Variants in PPP3CC observed in about 807,000 individuals in gnomAD.
PPP3CC encodes the protein protein phosphatase 3 catalytic subunit gamma.
PPP3CC carries 35 observed loss-of-function variants against 60.3 expected under a neutral mutation model. The ratio of observed to expected loss-of-function variants is 0.58; its 90% CI spans 0.44 to 0.77. The LOEUF (loss-of-function observed/expected upper bound fraction) is 0.77, where lower values mean the gene tolerates loss of function less well. Ranked by LOEUF, PPP3CC falls within the 30% of genes least tolerant of loss-of-function variation. PPP3CC has a pLI of 0.00. For missense variants in PPP3CC, 570 were observed against 628.9 expected (o/e 0.91, Z 1.00); for synonymous variants, 206 against 224.3 (o/e 0.92, Z 0.73).
At chr8:22,520,772 A>C (rs970653959) in intron 6 of PPP3CC, among the ~76,000 whole-genome samples, 3 of 151,698 alleles carry the variant, frequency 2.0e-5, no homozygotes, top group Non-Finnish European at 4.4e-5. Flanking sequence ...ATTATTTTGG[A>C]TTCTTTGTCA....
chr8:22,532,224 G>A lies in PPP3CC; in HGVS notation c.1142-1G>A. 6.2e-7 allele frequency: 1 copy of A among 1,606,996 alleles called. No individual in the cohort carries two copies. The highest frequency in any genetic ancestry group is 8.5e-7 in the Non-Finnish European group (1 of 1,174,298). On this transcript the variant is annotated splice_acceptor_variant, in intron 10 of 13. Transcript: ENST00000240139. LOFTEE classifies it high-confidence loss of function. Reference sequence around the variant, plus strand: ...CTTACTTATTCTTTGTATTCTCTAAGGAAGCACTACAGTTCGTAAGGAGAT... The same window carrying A: ...CTTACTTATTCTTTGTATTCTCTAAAGAAGCACTACAGTTCGTAAGGAGAT...
intron 3 of PPP3CC, among the ~76,000 whole-genome samples, chr8:22,489,038 A>ATT (rs111415785): frequency 3.4e-5 from 5 of 147,942 alleles, no homozygotes; most frequent in African/African-American, 9.8e-5. Flanking sequence ...TATTGGAGGA[A>ATT]TTTTTTTTTT....
chr8:22,507,869 G>C (rs1344739046), intron 4 of PPP3CC, among the ~76,000 whole-genome samples: 2 of 152,118 alleles, frequency 1.3e-5, no homozygotes, highest in African/African-American at 4.8e-5. Flanking sequence ...ACAAGTTCCA[G>C]ACTCCATTCT....
At chr8:22,510,113 G>A (rs1328755738) in intron 4 of PPP3CC, among the ~76,000 whole-genome samples, 2 of 151,564 alleles carry the variant, frequency 1.3e-5, no homozygotes, top group Non-Finnish European at 2.9e-5. Context: ...GAACCCGGAA[G>A]GCAGAGCTGC....
intron 1 of PPP3CC, among the ~76,000 whole-genome samples, chr8:22,442,188 G>A (rs1463074330): frequency 6.6e-6 from 1 of 152,198 alleles, no homozygotes; most frequent in Non-Finnish European, 1.5e-5. Context: ...AAACTAAGAA[G>A]ATGGATTACA....
intron 3 of PPP3CC, among the ~76,000 whole-genome samples, chr8:22,482,778 G>A (rs1353663323): frequency 6.6e-6 from 1 of 152,192 alleles, no homozygotes; most frequent in African/African-American, 2.4e-5. Flanking sequence ...TCAGACAGAG[G>A]AAGAATGTGC....
At chr8:22,497,846 A>G (rs1047859661) in intron 3 of PPP3CC, among the ~76,000 whole-genome samples, 155 bp from the exon 4 acceptor site, 2 of 152,204 alleles carry the variant, frequency 1.3e-5, no homozygotes, top group Non-Finnish European at 2.9e-5. Flanking sequence ...GTCAAATTCT[A>G]GGGCAATAAG....
intron 10 of PPP3CC, among the ~76,000 whole-genome samples, chr8:22,528,971 A>G (rs534531323): frequency 1.3e-5 from 2 of 152,324 alleles, no homozygotes; most frequent in Non-Finnish European, 2.9e-5. Flanking sequence ...TTTGCCGACA[A>G]AACCCATATA....
At chr8:22,493,935 T>C (rs1284657488) in intron 3 of PPP3CC, among the ~76,000 whole-genome samples, 2 of 152,154 alleles carry the variant, frequency 1.3e-5, no homozygotes, top group African/African-American at 2.4e-5. Flanking sequence ...GTGCAGTAGG[T>C]TTTTTTACAT....
chr8:22,488,804 G>C (rs1838297813), intron 3 of PPP3CC, among the ~76,000 whole-genome samples: 1 of 152,184 alleles, frequency 6.6e-6, no homozygotes, highest in Non-Finnish European at 1.5e-5. Context: ...GCTGTGCATA[G>C]ATCAGGGGAA....
At chr8:22,481,946 T>C (rs1838082750) in intron 3 of PPP3CC, among the ~76,000 whole-genome samples, 1 of 152,212 alleles carries the variant, frequency 6.6e-6, no homozygotes, top group Admixed American at 6.5e-5. Context: ...GATGGACATT[T>C]GGGTTGGTTC....
At chr8:22,507,878 C>T (rs528103044) in intron 4 of PPP3CC, among the ~76,000 whole-genome samples, 1 of 152,266 alleles carries the variant, frequency 6.6e-6, no homozygotes, top group East Asian at 1.9e-4. Context: ...AGACTCCATT[C>T]TCTTCACCAC....
At chr8:22,457,183 C>G (rs938232489) in intron 1 of PPP3CC, among the ~76,000 whole-genome samples, 1 of 150,126 alleles carries the variant, frequency 6.7e-6, no homozygotes, top group African/African-American at 2.5e-5. Flanking sequence ...ACATATATAT[C>G]TGAAATTTTC....
At position 22,511,121 on chromosome 8, in the gene PPP3CC, T is replaced by C. The variant is rs1470602375; in HGVS notation, c.520T>C (p.Cys174Arg). Residue 174 changes from cysteine (C) to arginine (R), a missense_variant, in exon 5 of 14, where the codon TGT becomes CGT. Physicochemically the swap from Cys to Arg is radical, Grantham distance 180 (BLOSUM62 -3). Transcript: ENST00000240139. ...ATATTCGGAACAGGTGTATGATGCC[T>C]GTATGGAGACATTTGACTGTCTTCC... ...IKYSEQVYDA[C>R]METFDCLPLA... 1.2e-6 allele frequency: 2 copies of C among 1,614,160 alleles called. No individual in the cohort carries two copies. The highest frequency in any genetic ancestry group is 8.5e-7 in the Non-Finnish European group (1 of 1,179,986).
intron 6 of PPP3CC, among the ~76,000 whole-genome samples, chr8:22,519,288 C>T: frequency 6.6e-6 from 1 of 152,148 alleles, no homozygotes; most frequent in African/African-American, 2.4e-5. Context: ...TAAAGTGAGT[C>T]TTTTGTAGAC....
chr8:22,457,975 C>T (rs1837256907), intron 1 of PPP3CC, among the ~76,000 whole-genome samples: 1 of 152,084 alleles, frequency 6.6e-6, no homozygotes, highest in South Asian at 2.1e-4. Flanking sequence ...CCTGTAATCC[C>T]AGCTACTCAG....
intron 10 of PPP3CC, among the ~76,000 whole-genome samples, chr8:22,531,076 C>T (rs1050186156): frequency 1.3e-5 from 2 of 152,086 alleles, no homozygotes; most frequent in Non-Finnish European, 2.9e-5. Context: ...TAATGTAAAA[C>T]CATAAACTTT....
At chr8:22,464,828 G>A (rs192048640) in intron 1 of PPP3CC, among the ~76,000 whole-genome samples, 3 of 152,246 alleles carry the variant, frequency 2.0e-5, no homozygotes, top group Admixed American at 2.0e-4. Context: ...CCTCAGCTGG[G>A]ATTATTGACC....
chr8:22,459,130 A>G (rs1303660892), intron 1 of PPP3CC, among the ~76,000 whole-genome samples: 1 of 151,648 alleles, frequency 6.6e-6, no homozygotes, highest in Non-Finnish European at 1.5e-5. Context: ...ATAGTGGTGC[A>G]GTCATAGCTC....
Sources: gnomAD v4.1 joint callset for allele counts (sites outside exome capture counted in the v4.1 genomes callset) on GRCh38, gnomAD v4.1.1 for gene constraint, MANE v1.5 for transcripts, NCBI Gene and HGNC (gene_info 2026-07-23, HGNC 2026-07-21) for gene names.